The following CCDC18 variants were observed in gnomAD, a reference collection of about 807,000 sequenced individuals.
The protein encoded by CCDC18 is coiled-coil domain-containing protein 18.
In CCDC18, 157 loss-of-function variants were observed where a neutral mutation model predicts 196.0. The ratio of observed to expected loss-of-function variants is 0.80; its 90% CI spans 0.70 to 0.91. CCDC18 has a LOEUF of 0.91. Among genes scored for constraint, CCDC18 ranks in the 40% least tolerant of loss-of-function variants. CCDC18 has a pLI of 0.00. For missense variants in CCDC18, 1,465 were observed against 1,611.6 expected (o/e 0.91, Z 1.56); for synonymous variants, 482 against 529.2 (o/e 0.91, Z 1.22).
chr1:93,223,170 C>T (rs1405299681), intron 16 of CCDC18, among the ~76,000 whole-genome samples: 1 of 152,288 alleles, frequency 6.6e-6, no homozygotes, highest in East Asian at 1.9e-4. Flanking sequence ...TTTCATTAAA[C>T]TACCTAACGT....
intron 16 of CCDC18, among the ~76,000 whole-genome samples, chr1:93,223,404 G>A (rs11808445): frequency 0.089 from 13,573 of 152,150 alleles, 1,991 homozygotes; most frequent in African/African-American, 0.31. Flanking sequence ...ATTTATAGCA[G>A]CAAAATAGAA....
At chr1:93,185,284 A>G (rs1034520701) in intron 3 of CCDC18, among the ~76,000 whole-genome samples, 6 of 151,914 alleles carry the variant, frequency 3.9e-5, no homozygotes, top group Non-Finnish European at 5.9e-5. Flanking sequence ...GCACAGTGAT[A>G]TAACCCCAAC....
intron 14 of CCDC18, among the ~76,000 whole-genome samples, chr1:93,218,697 A>G (rs1656905266): frequency 6.6e-6 from 1 of 152,012 alleles, no homozygotes; most frequent in Non-Finnish European, 1.5e-5. Flanking sequence ...TTTAGTAGAG[A>G]TGGGGTTTCA....
intron 6 of CCDC18, among the ~76,000 whole-genome samples, chr1:93,200,537 T>C (rs1653652710): frequency 6.6e-6 from 1 of 152,148 alleles, no homozygotes; most frequent in African/African-American, 2.4e-5. Context: ...ATACTATTTG[T>C]GGGTGTAGGT....
intron 25 of CCDC18, among the ~76,000 whole-genome samples, chr1:93,258,110 TTAA>T (rs1043662136): frequency 5.3e-5 from 8 of 149,958 alleles, no homozygotes; most frequent in African/African-American, 9.7e-5. Flanking sequence ...TAAAAATTAA[TTAA>T]TAATAATTAA....
chr1:93,194,784 G>T (rs898728968), intron 6 of CCDC18, among the ~76,000 whole-genome samples: 1 of 152,152 alleles, frequency 6.6e-6, no homozygotes, highest in Non-Finnish European at 1.5e-5. Flanking sequence ...CAATATAGCT[G>T]CCAAGAAAAA....
rs1365164327 is a variant in CCDC18 at position 93,186,288 on chromosome 1, C to T, written c.304-57C>T. ...ATTGCTCATAATTTTCCATTAATTA[C>T]ATGTAACCCTTAATTGAAATAATTG... On this transcript the variant is annotated intron_variant, in intron 3 of 28. Transcript: ENST00000690025. 45 of 1,483,598 alleles carry T rather than the reference C, an allele frequency of 3.0e-5. No homozygotes were observed. In the Admixed American group the frequency reaches 8.6e-4, roughly 28 times the overall value. 91.9% of individuals were successfully genotyped at this position (1,483,598 alleles called of 1,614,324 possible). A position where few individuals can be genotyped will look rare whatever the true frequency, so the allele number is the denominator to read the frequency against.
intron 21 of CCDC18, among the ~76,000 whole-genome samples, chr1:93,241,086 C>G (rs1660712267): frequency 1.3e-5 from 2 of 152,036 alleles, no homozygotes. Flanking sequence ...CACCAAGTAA[C>G]TGGGATTACA....
intron 6 of CCDC18, 151 bp from the exon 7 acceptor site, chr1:93,201,741 C>T: frequency 4.5e-6 from 2 of 440,294 alleles, no homozygotes. Context: ...CTACATTCTT[C>T]ATTTTATACT....
In CCDC18 at chr1:93,239,803, G is replaced by C; in HGVS notation, c.2888G>C (p.Arg963Thr). 6.2e-7 allele frequency: 1 copy of C among 1,613,464 alleles called. No individual in the cohort carries two copies. Among genetic ancestry groups the C allele is most frequent in the Non-Finnish European group, 8.5e-7 (1 of 1,179,548 alleles). Reference protein sequence around the residue: ...NAHGELKSTLRQLQELRDVLQ... With the variant: ...NAHGELKSTLTQLQELRDVLQ... ...CATGGAGAATTAAAAAGTACTTTAA[G>C]ACAACTCCAGGAATTGAGAGATGTA... Residue 963 changes from arginine to threonine, a missense_variant, in exon 21 of 29, where the codon AGA (arginine) becomes ACA (threonine). Coordinates refer to ENST00000690025, the MANE Select transcript of CCDC18 (RefSeq NM_001378204.1).
intron 21 of CCDC18, among the ~76,000 whole-genome samples, chr1:93,240,752 C>A (rs1412141968): frequency 1.3e-5 from 2 of 152,082 alleles, no homozygotes; most frequent in South Asian, 2.1e-4. Context: ...GATTCAATAT[C>A]CAACTAGTTG....
chr1:93,234,728 G>A (rs918391764), intron 18 of CCDC18, among the ~76,000 whole-genome samples: 4 of 151,938 alleles, frequency 2.6e-5, no homozygotes, highest in Non-Finnish European at 2.9e-5. Context: ...CCTGGGTACT[G>A]TTTTAATTTT....
intron 4 of CCDC18, among the ~76,000 whole-genome samples, chr1:93,189,550 G>C (rs968410627): frequency 1.3e-5 from 2 of 152,196 alleles, no homozygotes; most frequent in Non-Finnish European, 1.5e-5. Flanking sequence ...CCTCCAAACT[G>C]TTCTCCATAC....
Position 93,199,198 on chromosome 1 carries a change from G to A in CCDC18, c.699-2694G>A, listed in dbSNP as rs773922438. Among the ~76,000 whole-genome samples, 6 of 152,318 alleles carry A rather than the reference G, an allele frequency of 3.9e-5. No individual in the cohort carries two copies. The East Asian group carries it at 5.8e-4, about 15-fold the overall frequency. Reference sequence around the variant, plus strand: ...CTGCCCACTCAGCCTGGCAGGCTGCGCTTGGCTCGTGCTACCACCCTGGAT... The same window carrying A: ...CTGCCCACTCAGCCTGGCAGGCTGCACTTGGCTCGTGCTACCACCCTGGAT... On this transcript the variant is annotated intron_variant, in intron 6 of 28. Transcript: ENST00000690025.
chr1:93,260,638 C>T (rs1357210771), intron 26 of CCDC18, among the ~76,000 whole-genome samples: 1 of 150,298 alleles, frequency 6.7e-6, no homozygotes, highest in Non-Finnish European at 1.5e-5. Context: ...TTTTTTAATA[C>T]ATTAAGTTCT....
chr1:93,258,072 A>T (rs1302766836), intron 25 of CCDC18, among the ~76,000 whole-genome samples: 2 of 150,452 alleles, frequency 1.3e-5, no homozygotes, highest in Admixed American at 6.6e-5. Context: ...TAAAATTAAA[A>T]TAATTAAATT....
chr1:93,276,910 C>A (rs1044695844), intron 28 of CCDC18, among the ~76,000 whole-genome samples: 1 of 140,014 alleles, frequency 7.1e-6, no homozygotes, highest in African/African-American at 2.9e-5. Flanking sequence ...AACCAGGGTT[C>A]AGCATATGGA....
At chr1:93,200,558 G>T (rs1395403038) in intron 6 of CCDC18, among the ~76,000 whole-genome samples, 4 of 152,094 alleles carry the variant, frequency 2.6e-5, no homozygotes, top group Non-Finnish European at 5.9e-5. Flanking sequence ...TAACATGAAT[G>T]TACAAAATAA....
At chr1:93,222,837 G>A (rs1570430045) in intron 16 of CCDC18, among the ~76,000 whole-genome samples, 2 of 152,116 alleles carry the variant, frequency 1.3e-5, no homozygotes, top group Non-Finnish European at 1.5e-5. Flanking sequence ...AGTGTTAAAC[G>A]TAGGTCCAAA....
Sources: allele counts gnomAD v4.1 joint callset (sites outside exome capture counted in the v4.1 genomes callset), GRCh38; gene constraint gnomAD v4.1.1; transcripts MANE v1.5; gene names NCBI Gene and HGNC (gene_info 2026-07-23, HGNC 2026-07-21).